The following FAM149A variants were observed in gnomAD, a reference collection of about 807,000 sequenced individuals.
FAM149A encodes the protein family with sequence similarity 149 member A, also known as protein FAM149A.
Under a neutral mutation model 78.2 loss-of-function variants are expected in FAM149A, and 71 were observed. The observed-to-expected ratio is 0.91, with a 90% CI of 0.75 to 1.11. FAM149A has a LOEUF of 1.11. Ranked by LOEUF, FAM149A falls within the 50% of genes least tolerant of loss-of-function variation. The pLI is 0.00. For synonymous variants in FAM149A, 446 were observed against 410.5 expected, an observed-to-expected ratio of 1.09 and a Z score of -1.04; for missense variants, 1,036 against 971.0, an observed-to-expected ratio of 1.07 and a Z score of -0.89.
At chr4:186,122,522 G>A (rs2099316525) in intron 1 of FAM149A, among the ~76,000 whole-genome samples, 1 of 152,190 alleles carries the variant, frequency 6.6e-6, no homozygotes, top group Non-Finnish European at 1.5e-5. Flanking sequence ...AGAGTGTCAT[G>A]ATATTTGCAA....
At chr4:186,166,501 A>G (rs1212366200) in intron 11 of FAM149A, among the ~76,000 whole-genome samples, 2 of 152,088 alleles carry the variant, frequency 1.3e-5, no homozygotes, top group South Asian at 2.1e-4. Flanking sequence ...ATACAAAAAA[A>G]TTACCTGGAT....
chr4:186,160,337 C>T (rs942313621), intron 8 of FAM149A, among the ~76,000 whole-genome samples: 5 of 145,604 alleles, frequency 3.4e-5, no homozygotes, highest in Admixed American at 3.4e-4. Context: ...ACACACCACA[C>T]ACAAACACAC....
chr4:186,166,944 A>G (rs752062709), intron 11 of FAM149A, 24 bp from the exon 12 acceptor site: 118 of 1,597,552 alleles, frequency 7.4e-5, no homozygotes, highest in South Asian at 7.1e-4. Context: ...TATTTTAAAC[A>G]AGAACATACT....
intron 8 of FAM149A, among the ~76,000 whole-genome samples, chr4:186,159,045 C>T (rs560917887): frequency 6.6e-6 from 1 of 152,198 alleles, no homozygotes; most frequent in East Asian, 1.9e-4. Context: ...ATGCTTTCCC[C>T]TAATATTTCG....
chr4:186,141,153 G>C (rs1157532282), intron 1 of FAM149A, among the ~76,000 whole-genome samples: 2 of 152,168 alleles, frequency 1.3e-5, no homozygotes, highest in African/African-American at 2.4e-5. Context: ...CTTTTGAAAA[G>C]TGTCTGTTCA....
intron 1 of FAM149A, among the ~76,000 whole-genome samples, chr4:186,145,805 C>T (rs989073438): frequency 6.6e-6 from 1 of 152,096 alleles, no homozygotes; most frequent in African/African-American, 2.4e-5. Flanking sequence ...GACATGCCAC[C>T]ATATTCAAGT....
rs777545200 is a variant in FAM149A at position 186,151,981 on chromosome 4, A to T, written c.868A>T (p.Asn290Tyr). The T allele has an allele frequency of 3.7e-6, 6 of 1,614,216 alleles. No individual in the cohort carries two copies. Among genetic ancestry groups the T allele is most frequent in the Non-Finnish European group, 5.1e-6 (6 of 1,180,032 alleles). ...GGAAATGTTATTTGAAGGGAAAGTG[A>T]ACCCTCAGACCCAGAGTCTGCTGGC... The change falls in exon 4 of 14, where the codon AAC becomes TAC. Residue 290 changes from asparagine (N) to tyrosine (Y), a missense_variant. This residue lies in a region of FAM149A where 716 missense variants were observed against 711.8 expected (regional missense o/e 1.01). Coordinates refer to ENST00000389354, the MANE Select transcript of FAM149A (RefSeq NM_001367768.3).
At position 186,149,601 on chromosome 4, in the gene FAM149A, A is replaced by G; in HGVS notation, c.686A>G (p.His229Arg). Residue 229 changes from histidine to arginine, a missense_variant, in exon 3 of 14, where the codon CAT becomes CGT. Coordinates refer to ENST00000389354, the MANE Select transcript of FAM149A (RefSeq NM_001367768.3). ...TCATCCTTTTCCTCCAGCGGAAGCC[A>G]TACACCCACGGGAGCCCACACCTCT... 1 of 1,289,944 alleles carries G rather than the reference A, an allele frequency of 7.8e-7. No homozygotes were observed. The highest frequency in any genetic ancestry group is 1.0e-6 in the Non-Finnish European group (1 of 988,902). 79.9% of individuals were successfully genotyped at this position (1,289,944 alleles called of 1,614,324 possible). A position where few individuals can be genotyped will look rare whatever the true frequency, so the allele number is the denominator to read the frequency against.
intron 1 of FAM149A, among the ~76,000 whole-genome samples, chr4:186,120,866 T>TC (rs2099315760): frequency 7.0e-6 from 1 of 142,586 alleles, no homozygotes; most frequent in Non-Finnish European, 1.5e-5. Context: ...TTTTTTTTTT[T>TC]CTTTTGAGAC....
Position 186,105,392 on chromosome 4 carries a change from GC to G in FAM149A, c.320del (p.Pro107ArgfsTer97), listed in dbSNP as rs1284843056. 8.5e-7 allele frequency: 1 copy of G among 1,182,224 alleles called. No individual in the cohort carries two copies. 73.2% of individuals were successfully genotyped at this position (1,182,224 alleles called of 1,614,324 possible). On this transcript the variant is annotated frameshift_variant, in exon 1 of 14. Coordinates refer to ENST00000389354, the MANE Select transcript of FAM149A (RefSeq NM_001367768.3). LOFTEE classifies it high-confidence loss of function. ...GCCCAGTAGCCCTAGAGCGGGTAAAGCCCCGCCCCAGCCCCCCACTCCCTCC... is the reference window on the plus strand; with the variant it reads ...GCCCAGTAGCCCTAGAGCGGGTAAAGCCCGCCCCAGCCCCCCACTCCCTCC...
At chr4:186,127,615 T>C (rs1475646143) in intron 1 of FAM149A, 4 of 985,362 alleles carry the variant, frequency 4.1e-6, no homozygotes, top group African/African-American at 1.7e-5. Context: ...ACTGCAGTTA[T>C]ATTCCTTACT....
At chr4:186,155,123 C>T (rs1480566108) in intron 6 of FAM149A, among the ~76,000 whole-genome samples, 5 of 152,106 alleles carry the variant, frequency 3.3e-5, no homozygotes, top group Non-Finnish European at 7.4e-5. Context: ...CCACCACGCC[C>T]GGATAATTTT....
rs143374085 is a variant in FAM149A at position 186,154,405 on chromosome 4, G to A, written c.1059-63G>A. ...GATAATTGAAAGATCCGCCATGATC[G>A]TTTAAGCATTGCGTTCTTGGTGTTC... On this transcript the variant is annotated intron_variant, in intron 5 of 13. Coordinates refer to ENST00000389354, the MANE Select transcript of FAM149A (RefSeq NM_001367768.3). The A allele has an allele frequency of 1.7e-4, 233 of 1,363,276 alleles. No homozygotes were observed. In the African/African-American group the frequency reaches 3.1e-3, roughly 18 times the overall value. The allele number at this position is 1,363,276 out of a possible 1,614,324, so 84.4% of individuals were successfully genotyped here.
At position 186,157,646 on chromosome 4, in the gene FAM149A, G is replaced by A; in HGVS notation, c.1502G>A (p.Gly501Glu). 6.2e-7 allele frequency: 1 copy of A among 1,614,124 alleles called. No homozygotes were observed. Residue 501 changes from glycine to glutamate, a missense_variant, in exon 8 of 14, where the codon GGA (glycine) becomes GAA (glutamate). Gly to Glu is a moderately conservative substitution (Grantham distance 98, BLOSUM62 -2). Transcript: ENST00000389354. ...CTCGTTCCACACGCTCACGCCGATG[G>A]AGCCAGTGGCCCCCCGTCCGGACAC...
intron 1 of FAM149A, chr4:186,125,482 AGTCC>A (rs2099317919): frequency 2.5e-6 from 1 of 404,280 alleles, no homozygotes; most frequent in Non-Finnish European, 3.3e-6. Context: ...TGAGGAAGAT[AGTCC>A]GTCCGTCAGC....
chr4:186,133,048 G>A, intron 1 of FAM149A: 1 of 985,378 alleles, frequency 1.0e-6, no homozygotes, highest in Non-Finnish European at 1.2e-6. Context: ...AGGAATGTGA[G>A]TAAAGGCTTC....
intron 1 of FAM149A, chr4:186,146,462 T>C (rs1256369935): frequency 1.0e-6 from 1 of 985,284 alleles, no homozygotes; most frequent in East Asian, 1.1e-4. Context: ...TGTGGTGTGA[T>C]GTGAAGAGAG....
rs568861512 is a variant in FAM149A at position 186,137,422 on chromosome 4, G to C, written c.567-11751G>C. Among the ~76,000 whole-genome samples, 3 of 152,226 alleles carry C rather than the reference G, an allele frequency of 2.0e-5. No individual in the cohort carries two copies. The South Asian group carries it at 6.2e-4, about 32-fold the overall frequency. ...CACATTCATATCATGTGCATGGTATGATATGTGCATGGTACGCACTTTCTG... is the reference window on the plus strand; with the variant it reads ...CACATTCATATCATGTGCATGGTATCATATGTGCATGGTACGCACTTTCTG... On this transcript the variant is annotated intron_variant, in intron 1 of 13. Coordinates refer to ENST00000389354, the MANE Select transcript of FAM149A (RefSeq NM_001367768.3).
chr4:186,106,908 C>T (rs2099309000), intron 1 of FAM149A, among the ~76,000 whole-genome samples: 1 of 152,110 alleles, frequency 6.6e-6, no homozygotes, highest in Non-Finnish European at 1.5e-5. Context: ...CAAGATCGCA[C>T]CATTGCGCTC....
Sources: gnomAD v4.1 joint callset for allele counts (sites outside exome capture counted in the v4.1 genomes callset) on GRCh38, gnomAD v4.1.1 for gene constraint, gnomAD v4.1.1 regional missense constraint, MANE v1.5 for transcripts, NCBI Gene and HGNC (gene_info 2026-07-23, HGNC 2026-07-21) for gene names.